The following BLTP3A variants were observed in gnomAD, a reference collection of about 807,000 sequenced individuals.
BLTP3A encodes the protein bridge-like lipid transfer protein family member 3A, also known as ICBP90 binding protein 1.
the BLTP3A span, chr6:34,821,528 C>T: frequency 8.4e-6 from 8 of 951,268 alleles, no homozygotes; most frequent in Non-Finnish European, 1.2e-5. Context: ...CACTGCTTCA[C>T]TTGACTAGCC....
chr6:34,869,452 TAC>T, the BLTP3A span, among the ~76,000 whole-genome samples: 1 of 152,326 alleles, frequency 6.6e-6, no homozygotes, highest in East Asian at 1.9e-4. Flanking sequence ...TTATAATTTG[TAC>T]ACGTGTTTAT....
the BLTP3A span, chr6:34,822,002 G>A: frequency 1.2e-6 from 2 of 1,612,576 alleles, no homozygotes; most frequent in South Asian, 1.1e-5. Context: ...GATGGCCAGG[G>A]TAGGCTTTTA....
chr6:34,818,012 A>G, the BLTP3A span, among the ~76,000 whole-genome samples: 6 of 151,624 alleles, frequency 4.0e-5, no homozygotes, highest in African/African-American at 7.3e-5. Flanking sequence ...CGCCACCACG[A>G]CCGGCTAATT....
the BLTP3A span, chr6:34,858,664 A>C: frequency 2.5e-6 from 4 of 1,614,192 alleles, no homozygotes; most frequent in Non-Finnish European, 3.4e-6. Flanking sequence ...CCCTGACTCT[A>C]TGTCCCATCC....
chr6:34,844,871 G>C, the BLTP3A span, among the ~76,000 whole-genome samples: 1 of 152,018 alleles, frequency 6.6e-6, no homozygotes, highest in Non-Finnish European at 1.5e-5. Context: ...CATCCCATTT[G>C]TCCATTTTTG....
the BLTP3A span, chr6:34,792,148 C>CGGCG: frequency 9.5e-6 from 10 of 1,050,690 alleles, no homozygotes; most frequent in Non-Finnish European, 1.2e-5. Context: ...CGGCTGTGTC[C>CGGCG]GGTGCTCACG....
chr6:34,836,277 A>T, the BLTP3A span: 1 of 1,614,188 alleles, frequency 6.2e-7, no homozygotes, highest in Non-Finnish European at 8.5e-7. Context: ...GATGTGAAAG[A>T]GTCCTCCTAC....
chr6:34,850,394 C>A, the BLTP3A span, among the ~76,000 whole-genome samples: 1 of 152,128 alleles, frequency 6.6e-6, no homozygotes, highest in Admixed American at 6.5e-5. Context: ...ATATTGGTAT[C>A]TTCTCTAGGT....
the BLTP3A span, chr6:34,855,868 C>T: frequency 2.0e-6 from 2 of 985,410 alleles, no homozygotes; most frequent in Non-Finnish European, 2.4e-6. Flanking sequence ...TGGAAACTTG[C>T]AGGTTCCACT....
At chr6:34,859,332 G>A in the BLTP3A span, 1 of 1,613,872 alleles carries the variant, frequency 6.2e-7, no homozygotes, top group Non-Finnish European at 8.5e-7. Flanking sequence ...CAGCTGCATT[G>A]AAGCCCCCAG....
At chr6:34,852,686 G>A in the BLTP3A span, among the ~76,000 whole-genome samples, 1 of 152,052 alleles carries the variant, frequency 6.6e-6, no homozygotes, top group East Asian at 1.9e-4. Context: ...GGCATCTCAG[G>A]TCACTTGCAC....
the BLTP3A span, chr6:34,856,268 T>C: frequency 1.2e-6 from 2 of 1,614,108 alleles, no homozygotes; most frequent in South Asian, 1.1e-5. Context: ...GGTACGCCAC[T>C]GTGAGGCCAT....
At chr6:34,867,112 T>C in the BLTP3A span, 5 of 1,172,982 alleles carry the variant, frequency 4.3e-6, no homozygotes, top group Middle Eastern at 3.0e-4. Flanking sequence ...TCTAGTTGTC[T>C]CATGAATGTC....
the BLTP3A span, chr6:34,821,883 A>G: frequency 5.0e-6 from 8 of 1,614,234 alleles, no homozygotes; most frequent in Non-Finnish European, 6.8e-6. Flanking sequence ...AGGGTCAGCT[A>G]CCACAGCCCT....
At chr6:34,821,887 C>G in the BLTP3A span, 1 of 1,614,234 alleles carries the variant, frequency 6.2e-7, no homozygotes, top group East Asian at 2.2e-5. Flanking sequence ...TCAGCTACCA[C>G]AGCCCTGAGA....
chr6:34,844,446 T>A, the BLTP3A span, among the ~76,000 whole-genome samples: 12 of 152,292 alleles, frequency 7.9e-5, no homozygotes, highest in East Asian at 2.3e-3. Flanking sequence ...GACTAATTTT[T>A]GTATTTTTAG....
chr6:34,858,390 G>A, the BLTP3A span: 4 of 1,613,994 alleles, frequency 2.5e-6, no homozygotes, highest in East Asian at 4.5e-5. Context: ...GCCTGCCTCA[G>A]CCTAATACCC....
chr6:34,844,115 G>C, the BLTP3A span, among the ~76,000 whole-genome samples: 1 of 152,032 alleles, frequency 6.6e-6, no homozygotes, highest in Non-Finnish European at 1.5e-5. Context: ...TGAGTAGCTG[G>C]GACTACAGGC....
the BLTP3A span, chr6:34,872,649 C>T: frequency 2.0e-6 from 1 of 507,108 alleles, no homozygotes; most frequent in Non-Finnish European, 3.2e-6. Flanking sequence ...TCCCAGGAAA[C>T]TGGGGCTTGC....
Sources: allele counts gnomAD v4.1 joint callset (sites outside exome capture counted in the v4.1 genomes callset), GRCh38; gene constraint gnomAD v4.1.1; transcripts MANE v1.5; gene names NCBI Gene and HGNC (gene_info 2026-07-23, HGNC 2026-07-21).